ATP13A1: variants seen among roughly 807,000 people sequenced by gnomAD.
The protein encoded by ATP13A1 is endoplasmic reticulum transmembrane helix translocase.
Under a neutral mutation model 134.8 loss-of-function variants are expected in ATP13A1, and 55 were observed. The observed-to-expected ratio is 0.41, with a 90% CI of 0.33 to 0.51. The LOEUF is 0.51. ATP13A1 is among the 20% of genes least tolerant of loss of function. ATP13A1 has a pLI of 0.29. For synonymous variants in ATP13A1, 775 were observed against 725.1 expected (o/e 1.07, Z -1.10); for missense variants, 1,389 against 1,652.8 (o/e 0.84, Z 2.77).
intron 17 of ATP13A1, chr19:19,650,310 A>C: frequency 3.8e-6 from 1 of 260,470 alleles, no homozygotes; most frequent in Non-Finnish European, 7.4e-6. Flanking sequence ...CCCTCACCTC[A>C]TTTATCCCTG....
intron 17 of ATP13A1, chr19:19,650,175 C>T (rs1172155041): frequency 8.5e-6 from 5 of 586,840 alleles, no homozygotes; most frequent in African/African-American, 3.7e-5. Flanking sequence ...GCCCGGGACA[C>T]AGCCAGATTA....
At chr19:19,662,956 AAAC>A in intron 1 of ATP13A1, 1 of 502,908 alleles carries the variant, frequency 2.0e-6, no homozygotes, top group Non-Finnish European at 3.8e-6. Flanking sequence ...GAACTAGTAT[AAAC>A]AACTCCTACC....
Position 19,645,639 on chromosome 19 carries a change from C to T in ATP13A1, c.3504+8G>A, listed in dbSNP as rs755468322. 12 of 1,565,558 alleles carry T rather than the reference C, an allele frequency of 7.7e-6. No homozygotes were observed. The South Asian group carries it at 1.3e-4, about 17-fold the overall frequency. On this transcript the variant is annotated splice_region_variant and intron_variant, in intron 25 of 25. Transcript: ENST00000357324. This position sits in a 1 kb window ranked among gnomAD's most constrained non-coding sequence, Gnocchi z 4.1. ...GAGCCCCAGGGTCACCTCCACAGGGCCACTGACCTCCACAGGGATGTCCAC... is the reference window on the plus strand; with the variant it reads ...GAGCCCCAGGGTCACCTCCACAGGGTCACTGACCTCCACAGGGATGTCCAC...
chr19:19,660,222 C>T (rs1339849311), intron 1 of ATP13A1, among the ~76,000 whole-genome samples: 1 of 152,200 alleles, frequency 6.6e-6, no homozygotes, highest in African/African-American at 2.4e-5. Flanking sequence ...TGACTCACAC[C>T]CATAATCCCA....
At position 19,655,435 on chromosome 19, in the gene ATP13A1, C is replaced by T. The variant is rs1253241098; in HGVS notation, c.1415G>A (p.Arg472Gln). Residue 472 changes from arginine to glutamine, a missense_variant, in exon 11 of 26, where the codon CGG (arginine) becomes CAG (glutamine). This residue lies in a region of ATP13A1 where 747 missense variants were observed against 956.1 expected (regional missense o/e 0.78). Coordinates refer to ENST00000357324, the MANE Select transcript of ATP13A1 (RefSeq NM_020410.3). The surrounding 1 kb of genome is among the most constrained non-coding windows in gnomAD (Gnocchi z 5.7). Reference protein sequence around the residue: ...VWIEGTKDPSRNRYKLFLECT... With the variant: ...VWIEGTKDPSQNRYKLFLECT... The stretch of plus-strand genomic sequence containing the variant: ...CTCCAGAAACAGCTTGTAGCGGTTC[C>T]GGCTGGGGTCCTTGGTACCTGTGGA... 1.3e-5 allele frequency: 21 copies of T among 1,613,842 alleles called. No homozygotes were observed. Among genetic ancestry groups the T allele is most frequent in the Middle Eastern group, 1.6e-4 (1 of 6,084 alleles).
At chr19:19,662,278 G>C in intron 1 of ATP13A1, 1 of 985,412 alleles carries the variant, frequency 1.0e-6, no homozygotes, top group Non-Finnish European at 1.2e-6. Context: ...CCTCCCCTGG[G>C]ATAGATAAGT....
Position 19,645,323 on chromosome 19 carries a change from T to C in ATP13A1, c.*99A>G, listed in dbSNP as rs2144892850. 2 of 1,329,332 alleles carry C rather than the reference T, an allele frequency of 1.5e-6. No individual in the cohort carries two copies. Among genetic ancestry groups the C allele is most frequent in the Admixed American group, 2.0e-5 (1 of 49,434 alleles). 82.3% of individuals were successfully genotyped at this position (1,329,332 alleles called of 1,614,324 possible). ...CTTCCAAGGGCGAGACTGTACAGCCTTGCTGTGGGGGGTTGGGGGCAGGGT... is the reference window on the plus strand; with the variant it reads ...CTTCCAAGGGCGAGACTGTACAGCCCTGCTGTGGGGGGTTGGGGGCAGGGT... On this transcript the variant is annotated 3_prime_UTR_variant, in exon 26 of 26. Transcript: ENST00000357324. The surrounding 1 kb of genome is among the most constrained non-coding windows in gnomAD (Gnocchi z 4.1).
chr19:19,660,336 G>A (rs1263558061), intron 1 of ATP13A1, among the ~76,000 whole-genome samples: 2 of 152,114 alleles, frequency 1.3e-5, no homozygotes, highest in Non-Finnish European at 2.9e-5. Context: ...ACACAAATGA[G>A]CCGGACACGG....
At chr19:19,651,562 T>G in intron 17 of ATP13A1, 127 bp downstream of exon 17, 1 of 662,094 alleles carries the variant, frequency 1.5e-6, no homozygotes, top group African/African-American at 1.9e-5. Flanking sequence ...AGGGCTGTGA[T>G]TAGTGGTGCC....
Position 19,645,969 on chromosome 19 carries a change from C to T in ATP13A1, c.3265G>A (p.Asp1089Asn), listed in dbSNP as rs2061982562. ...RSPEKQEQFV[D>N]LYKEFEPSLV... Reference sequence around the variant, plus strand: ...CTTGGCTCAAACTCCTTGTACAAGTCCACGAACTGCTCCTGCCTGCAAGGA... The same window carrying T: ...CTTGGCTCAAACTCCTTGTACAAGTTCACGAACTGCTCCTGCCTGCAAGGA... Residue 1089 changes from aspartate to asparagine, a missense_variant, in exon 24 of 26, where the codon GAC (aspartate) becomes AAC (asparagine). By Grantham distance (23) the Asp-to-Asn change is conservative (BLOSUM62 1). Coordinates refer to ENST00000357324, the MANE Select transcript of ATP13A1 (RefSeq NM_020410.3). The surrounding 1 kb of genome is among the most constrained non-coding windows in gnomAD (Gnocchi z 4.1). The T allele has an allele frequency of 1.2e-6, 2 of 1,612,324 alleles. No homozygotes were observed. The highest frequency in any genetic ancestry group is 1.7e-6 in the Non-Finnish European group (2 of 1,179,874).
chr19:19,662,991 G>T (rs1425632954), intron 1 of ATP13A1: 12 of 605,692 alleles, frequency 2.0e-5, no homozygotes, highest in Non-Finnish European at 3.7e-5. Flanking sequence ...ACGTATGCTG[G>T]GCCCTGCGCT....
At chr19:19,646,410 C>T (rs1018801797) in intron 22 of ATP13A1, 63 bp from the exon 23 acceptor site, 1 of 1,593,580 alleles carries the variant, frequency 6.3e-7, no homozygotes, top group Non-Finnish European at 8.6e-7. Context: ...CCTGCCCACA[C>T]AGCAGGCAGT....
chr19:19,649,183 G>T (rs1271560950), intron 19 of ATP13A1, among the ~76,000 whole-genome samples: 1 of 151,378 alleles, frequency 6.6e-6, no homozygotes, highest in African/African-American at 2.4e-5. Context: ...CCACTGCCTT[G>T]AACTCCCAGA....
intron 1 of ATP13A1, 75 bp downstream of exon 1, chr19:19,663,196 G>C (rs993361235): frequency 3.9e-6 from 6 of 1,546,586 alleles, no homozygotes; most frequent in Non-Finnish European, 5.2e-6. Flanking sequence ...GATGGTGACC[G>C]ACAGGAAGGC....
rs993785722 is a variant in ATP13A1 at position 19,663,535 on chromosome 19, C to T, written c.132G>A (p.Ala44=). The change falls in exon 1 of 26, where the codon GCG becomes GCA. Residue 44 remains alanine (A), a synonymous_variant. Coordinates refer to ENST00000357324, the MANE Select transcript of ATP13A1 (RefSeq NM_020410.3). ...CGGCAGCCACCAGCTCGTCACCGTTCGCTATGAGCGCCGGCCCGGCGGCAA... is the reference window on the plus strand; with the variant it reads ...CGGCAGCCACCAGCTCGTCACCGTTTGCTATGAGCGCCGGCCCGGCGGCAA... ...ALLAAGPALI[A]NGDELVAAVW... is the part of the protein sequence containing the mutation. 1.3e-6 allele frequency: 2 copies of T among 1,524,628 alleles called. No individual in the cohort carries two copies. Among genetic ancestry groups the T allele is most frequent in the Admixed American group, 2.0e-5 (1 of 50,058 alleles). The allele number at this position is 1,524,628 out of a possible 1,614,324, so 94.4% of individuals were successfully genotyped here. A position where few individuals can be genotyped will look rare whatever the true frequency, so the allele number is the denominator to read the frequency against.
At position 19,654,553 on chromosome 19, in the gene ATP13A1, C is replaced by T. The variant is rs962969927; in HGVS notation, c.1803G>A (p.Thr601=). 9.3e-6 allele frequency: 15 copies of T among 1,607,960 alleles called. No homozygotes were observed. Among genetic ancestry groups the T allele is most frequent in the Middle Eastern group, 3.4e-4 (2 of 5,944 alleles). Residue 601 remains threonine (T), a synonymous_variant, in exon 13 of 26, where the codon ACG becomes ACA. Coordinates refer to ENST00000357324, the MANE Select transcript of ATP13A1 (RefSeq NM_020410.3). Reference sequence around the variant, plus strand: ...GCCCCAGCCCCTCACCTTTGGTCAGCGTCCAGTCCACGGCCGTCAGCATGG... The same window carrying T: ...GCCCCAGCCCCTCACCTTTGGTCAGTGTCCAGTCCACGGCCGTCAGCATGG... ...EKAMLTAVDW[T]LTKDEKVFPR... is the part of the protein sequence containing the mutation.
In ATP13A1 at chr19:19,645,684, A is replaced by C; in HGVS notation, c.3467T>G (p.Phe1156Cys). Reference sequence around the variant, plus strand: ...GTCCACGAGGCCAAACTGGCTGTTGAAGTCGGGCGAGGAGCCGAGGAGCAG... The same window carrying C: ...GTCCACGAGGCCAAACTGGCTGTTGCAGTCGGGCGAGGAGCCGAGGAGCAG... ...IGLLLGSSPDFNSQFGLVDIP... is the reference protein window; with the variant it reads ...IGLLLGSSPDCNSQFGLVDIP... Residue 1156 changes from phenylalanine to cysteine, a missense_variant, in exon 25 of 26, where the codon TTC becomes TGC. Coordinates refer to ENST00000357324, the MANE Select transcript of ATP13A1 (RefSeq NM_020410.3). The surrounding 1 kb of genome is among the most constrained non-coding windows in gnomAD (Gnocchi z 4.1). The C allele has an allele frequency of 6.3e-7, 1 of 1,576,042 alleles. No homozygotes were observed. Among genetic ancestry groups the C allele is most frequent in the Non-Finnish European group, 8.6e-7 (1 of 1,161,242 alleles).
chr19:19,647,777 G>A lies in ATP13A1; in HGVS notation c.2633-18C>T, dbSNP rs772328442. The A allele has an allele frequency of 2.5e-5, 40 of 1,578,442 alleles. No homozygotes were observed. The East Asian group carries it at 8.6e-4, about 34-fold the overall frequency. On this transcript the variant is annotated intron_variant, in intron 19 of 25. Transcript: ENST00000357324. The surrounding 1 kb of genome is among the most constrained non-coding windows in gnomAD (Gnocchi z 4.8). ...CGCCACACCTGGGGGGCAGGAGGGT[G>A]TCAGACCCGGAGGAGCAGGCTCCAC...
intron 22 of ATP13A1, chr19:19,646,913 T>C: frequency 5.2e-6 from 3 of 576,948 alleles, no homozygotes; most frequent in Non-Finnish European, 6.1e-6. Flanking sequence ...GACCCCTACC[T>C]GTGGACAGGT....
Sources: allele counts gnomAD v4.1 joint callset (sites outside exome capture counted in the v4.1 genomes callset), GRCh38; gene constraint gnomAD v4.1.1; regional missense constraint gnomAD v4.1.1; non-coding constraint Gnocchi (gnomAD v3.1); transcripts MANE v1.5; gene names NCBI Gene and HGNC (gene_info 2026-07-23, HGNC 2026-07-21).